The following PHACTR2 variants were observed in gnomAD, a reference collection of about 807,000 sequenced individuals.
PHACTR2 encodes the protein chromosome 6 open reading frame 56.
A neutral mutation model predicts 76.0 loss-of-function variants in PHACTR2; 30 were observed. The ratio of observed to expected loss-of-function variants is 0.39; its 90% CI spans 0.30 to 0.54. The LOEUF (loss-of-function observed/expected upper bound fraction) is 0.54, where lower values mean the gene tolerates loss of function less well. Ranked by LOEUF, PHACTR2 falls within the 20% of genes least tolerant of loss-of-function variation. The pLI is 0.61. For synonymous variants in PHACTR2, 292 were observed against 292.5 expected (o/e 1.00, Z 0.02); for missense variants, 696 against 781.1 (o/e 0.89, Z 1.30).
intron 1 of PHACTR2, among the ~76,000 whole-genome samples, chr6:143,612,702 T>C (rs1400259933): frequency 6.6e-6 from 1 of 152,150 alleles, no homozygotes; most frequent in African/African-American, 2.4e-5. Context: ...ATTTAGGGGA[T>C]TGTCAGCCTT....
chr6:143,702,042 C>T (rs1280921486), intron 1 of PHACTR2, among the ~76,000 whole-genome samples: 1 of 151,438 alleles, frequency 6.6e-6, no homozygotes, highest in Non-Finnish European at 1.5e-5. Context: ...TCTTGGCTTA[C>T]AGTTTACCAT....
At position 143,765,614 on chromosome 6, in the gene PHACTR2, C is replaced by A. The variant is rs374498739; in HGVS notation, c.1048C>A (p.Pro350Thr). 6.0e-5 allele frequency: 97 copies of A among 1,614,024 alleles called. No individual in the cohort carries two copies. Among genetic ancestry groups the A allele is most frequent in the Non-Finnish European group, 7.7e-5 (91 of 1,180,016 alleles). ...VAPAPSPLAP[P>T]LPLEDQCITA... ...TCCAGCACCTTCTCCTCTGGCCCCC[C>A]CTCTCCCTCTTGAGGATCAGTGCAT... Residue 350 changes from proline to threonine, a missense_variant, in exon 6 of 13, where the codon CCT becomes ACT. By Grantham distance (38) the Pro-to-Thr change is conservative. Transcript: ENST00000440869. The surrounding 1 kb of genome is among the most constrained non-coding windows in gnomAD (Gnocchi z 4.1).
At position 143,564,638 on chromosome 6, in the gene PHACTR2, G is replaced by A. The variant is rs548572690; in HGVS notation, c.217+27431G>A. On this transcript the variant is annotated intron_variant, in intron 1 of 11. Coordinates refer to the PHACTR2 transcript ENST00000367584. The stretch of plus-strand genomic sequence containing the variant: ...AGCATGTCATGGCTGAGCTGCTGAC[G>A]AGGCCTCGGCTGTGCTTTGCATCAT... Among the ~76,000 whole-genome samples, 15 of 152,198 alleles carry A rather than the reference G, an allele frequency of 9.9e-5. No individual in the cohort carries two copies. The South Asian group carries it at 1.5e-3, about 15-fold the overall frequency.
intron 3 of PHACTR2, among the ~76,000 whole-genome samples, chr6:143,749,517 T>G (rs909388025): frequency 2.6e-5 from 4 of 152,188 alleles, no homozygotes; most frequent in Non-Finnish European, 4.4e-5. Flanking sequence ...TCCTTTGCAC[T>G]CTATAATAAC....
intron 1 of PHACTR2, 169 bp from the exon 2 acceptor site, chr6:143,711,843 CTGAT>C: frequency 1.3e-6 from 1 of 758,600 alleles, no homozygotes; most frequent in Non-Finnish European, 2.4e-6. Context: ...TTCTGATTGA[CTGAT>C]TGATATGAGG....
At chr6:143,778,673 T>C (rs1351109271) in intron 9 of PHACTR2, among the ~76,000 whole-genome samples, 1 of 152,238 alleles carries the variant, frequency 6.6e-6, no homozygotes, top group Admixed American at 6.5e-5. Flanking sequence ...TTGCTTTTCA[T>C]GATAGGTTCC....
At position 143,754,166 on chromosome 6, in the gene PHACTR2, G is replaced by T; in HGVS notation, c.454+254G>T. The T allele has an allele frequency of 4.1e-6, 1 of 243,780 alleles. No individual in the cohort carries two copies. The allele number at this position is 243,780 out of a possible 1,614,324, so 15.1% of individuals were successfully genotyped here. On this transcript the variant is annotated intron_variant, in intron 4 of 12. Coordinates refer to ENST00000440869, the MANE Select transcript of PHACTR2 (RefSeq NM_001100164.2). The surrounding 1 kb of genome is among the most constrained non-coding windows in gnomAD (Gnocchi z 6.2). ...TAATTAAAAGTAATAATCAGAAGGG[G>T]TGGCCTCTTTAATCATTAGAGATGT...
rs189963355 is a variant in PHACTR2 at position 143,797,281 on chromosome 6, T to C, written c.1845+8371T>C. On this transcript the variant is annotated intron_variant, in intron 11 of 12. Coordinates refer to ENST00000440869, the MANE Select transcript of PHACTR2 (RefSeq NM_001100164.2). ...TGTTTGCTTTTTTCTTGTAAATTTGTTTAAGTTCTTTGTAGATTCTGGATA... is the reference window on the plus strand; with the variant it reads ...TGTTTGCTTTTTTCTTGTAAATTTGCTTAAGTTCTTTGTAGATTCTGGATA... Among the ~76,000 whole-genome samples, 1,012 of 152,348 alleles carry C rather than the reference T, an allele frequency of 6.6e-3. 8 individuals carry two copies. The highest frequency in any genetic ancestry group is 0.011 in the Non-Finnish European group (742 of 68,024).
Position 143,809,780 on chromosome 6 carries a change from C to T in PHACTR2, c.1922+2647C>T, listed in dbSNP as rs1326554737. ...GCATTTATATGTACCCTCTCTCACA[C>T]ATAAACACAGCATCTAAGAAATCTT... On this transcript the variant is annotated intron_variant, in intron 12 of 12. Coordinates refer to ENST00000440869, the MANE Select transcript of PHACTR2 (RefSeq NM_001100164.2). This position sits in a 1 kb window ranked among gnomAD's most constrained non-coding sequence, Gnocchi z 4.2. Among the ~76,000 whole-genome samples, 4 of 151,992 alleles carry T rather than the reference C, an allele frequency of 2.6e-5. 1 individual carries two copies. In the South Asian group the frequency reaches 6.2e-4, roughly 24 times the overall value.
chr6:143,691,578 A>G (rs186313330), intron 1 of PHACTR2, among the ~76,000 whole-genome samples: 1 of 152,242 alleles, frequency 6.6e-6, no homozygotes, highest in Non-Finnish European at 1.5e-5. Flanking sequence ...AAGTAAATAT[A>G]TAGTTACATT....
intron 2 of PHACTR2, among the ~76,000 whole-genome samples, chr6:143,723,893 T>C (rs556289374): frequency 1.5e-3 from 231 of 152,306 alleles, no homozygotes; most frequent in African/African-American, 4.9e-3. Flanking sequence ...TGGTTCCTAT[T>C]TTTTCCTCAA....
intron 1 of PHACTR2, among the ~76,000 whole-genome samples, chr6:143,660,897 A>G (rs573189008): frequency 6.6e-6 from 1 of 152,356 alleles, no homozygotes; most frequent in South Asian, 2.1e-4. Flanking sequence ...AGATGGTAAT[A>G]GAATACAGAG....
chr6:143,670,385 G>A (rs915467646), intron 1 of PHACTR2, among the ~76,000 whole-genome samples: 17 of 152,122 alleles, frequency 1.1e-4, no homozygotes, highest in African/African-American at 3.6e-4. Flanking sequence ...TTGAATGTTG[G>A]CGTGTCTTGT....
At position 143,547,633 on chromosome 6, in the gene PHACTR2, A is replaced by G. The variant is rs1431317939; in HGVS notation, c.217+10426A>G. Among the ~76,000 whole-genome samples, 1 of 152,234 alleles carries G rather than the reference A, an allele frequency of 6.6e-6. No homozygotes were observed. Among genetic ancestry groups the G allele is most frequent in the African/African-American group, 2.4e-5 (1 of 41,454 alleles). ...TTACTAAGTAATAGCAAGGGTTTGA[A>G]CAAAATGAACAAATTTCTATAGTTA... On this transcript the variant is annotated intron_variant, in intron 1 of 11. Coordinates refer to the PHACTR2 transcript ENST00000367584. The surrounding 1 kb of genome is among the most constrained non-coding windows in gnomAD (Gnocchi z 4.2).
Position 143,738,439 on chromosome 6 carries a change from A to G in PHACTR2, c.215-10546A>G, listed in dbSNP as rs553832769. On this transcript the variant is annotated intron_variant, in intron 2 of 12. Transcript: ENST00000440869. This position sits in a 1 kb window ranked among gnomAD's most constrained non-coding sequence, Gnocchi z 4.0. ...AATATAAAGAATTTCAGCCACCTTTACCCCAGGGCAATAGAATTAGATCTT... is the reference window on the plus strand; with the variant it reads ...AATATAAAGAATTTCAGCCACCTTTGCCCCAGGGCAATAGAATTAGATCTT... Among the ~76,000 whole-genome samples, 1 of 151,874 alleles carries G rather than the reference A, an allele frequency of 6.6e-6. No homozygotes were observed. Among genetic ancestry groups the G allele is most frequent in the East Asian group, 1.9e-4 (1 of 5,148 alleles).
rs150757287 is a variant in PHACTR2, at chr6:143,585,936, A to G, written c.217+48729A>G. ...CACATTATTTTTCTTCTTTGAAACA[A>G]TCCATAAACTTTGGAAACACATTAT... On this transcript the variant is annotated intron_variant, in intron 1 of 11. Transcript: ENST00000367584. This position sits in a 1 kb window ranked among gnomAD's most constrained non-coding sequence, Gnocchi z 5.2. Among the ~76,000 whole-genome samples the G allele has an allele frequency of 1.1e-3, 167 of 152,348 alleles. No homozygotes were observed. Among genetic ancestry groups the G allele is most frequent in the African/African-American group, 3.7e-3 (152 of 41,578 alleles).
In PHACTR2 at chr6:143,827,154, A is replaced by AT; in HGVS notation, c.*3465_*3466insT. On this transcript the variant is annotated 3_prime_UTR_variant, in exon 13 of 13. Coordinates refer to ENST00000440869, the MANE Select transcript of PHACTR2 (RefSeq NM_001100164.2). ...AGGGCTGCGTTGGCATTAAAAAAGA[A>AT]AATATATATATATATATATATATAT... The AT allele has an allele frequency of 3.7e-5, 3 of 80,896 alleles. No homozygotes were observed. Among genetic ancestry groups the AT allele is most frequent in the Non-Finnish European group, 7.6e-5 (3 of 39,236 alleles). 5.0% of individuals were successfully genotyped at this position (80,896 alleles called of 1,614,324 possible). A position where few individuals can be genotyped will look rare whatever the true frequency, so the allele number is the denominator to read the frequency against.
At chr6:143,749,473 TAAAAG>T (rs1485076454) in intron 3 of PHACTR2, among the ~76,000 whole-genome samples, 2 of 152,292 alleles carry the variant, frequency 1.3e-5, no homozygotes, top group East Asian at 3.9e-4. Flanking sequence ...AGACTACCAA[TAAAAG>T]AGAAGAGAGA....
rs951214924 is a variant in PHACTR2, at chr6:143,584,998, G to GCTATAGGCTTGGCTGTCATACCTT, written c.217+47812_217+47835dup. Among the ~76,000 whole-genome samples, 14 of 133,426 alleles carry GCTATAGGCTTGGCTGTCATACCTT rather than the reference G, an allele frequency of 1.0e-4. No homozygotes were observed. In the East Asian group the frequency reaches 1.9e-3, roughly 18 times the overall value. The allele number at this position is 133,426 out of a possible 152,430, so 87.5% of individuals were successfully genotyped here. ...CCCAGATTAAAAAAAAAAAAAAAAA[G>GCTATAGGCTTGGCTGTCATACCTT]CTATAGGCTTGGCTGTCATACCTTC... On this transcript the variant is annotated intron_variant, in intron 1 of 11. Coordinates refer to the PHACTR2 transcript ENST00000367584.
Sources: allele counts gnomAD v4.1 joint callset (sites outside exome capture counted in the v4.1 genomes callset), GRCh38; gene constraint gnomAD v4.1.1; non-coding constraint Gnocchi (gnomAD v3.1); transcripts MANE v1.5; gene names NCBI Gene and HGNC (gene_info 2026-07-23, HGNC 2026-07-21).